The following B3GALT9 variants were observed in gnomAD, a reference collection of about 807,000 sequenced individuals.
B3GALT9 encodes beta-1,3-galactosyltransferase 9.
rs112771562 is a variant in B3GALT9 at position 120,800,556 on chromosome 9, T to C, written c.*878T>C. On this transcript the variant is annotated 3_prime_UTR_variant, in exon 3 of 3. Transcript: ENST00000689072. Reference sequence around the variant, plus strand: ...TTGGGATTATAGGTGTGAGGAACCGTACCTGGCCAGTACACAATTCATTAT... The same window carrying C: ...TTGGGATTATAGGTGTGAGGAACCGCACCTGGCCAGTACACAATTCATTAT... Among the ~76,000 whole-genome samples, 1,533 of 152,076 alleles carry C rather than the reference T, an allele frequency of 0.01. 33 individuals carry two copies. The highest frequency in any genetic ancestry group is 0.035 in the African/African-American group (1,452 of 41,510).
At position 120,799,840 on chromosome 9, in the gene B3GALT9, T is replaced by C; in HGVS notation, c.*162T>C. 2.5e-6 allele frequency: 1 copy of C among 394,856 alleles called. No homozygotes were observed. The highest frequency in any genetic ancestry group is 3.6e-5 in the East Asian group (1 of 27,798). 24.5% of individuals were successfully genotyped at this position (394,856 alleles called of 1,614,324 possible). ...TCTGTGCTCTGGTGTGCTCAATTACTGAGATCTCAAATTTTTAAAAAATTT... is the reference window on the plus strand; with the variant it reads ...TCTGTGCTCTGGTGTGCTCAATTACCGAGATCTCAAATTTTTAAAAAATTT... On this transcript the variant is annotated 3_prime_UTR_variant, in exon 3 of 3. Transcript: ENST00000689072.
Position 120,801,365 on chromosome 9 carries a change from A to T in B3GALT9, c.*1687A>T, listed in dbSNP as rs12115253. Reference sequence around the variant, plus strand: ...TCCCTGATGATTAGTGGTATTGAGCATTTTTTTTTCATATACCTGTTGGCC... The same window carrying T: ...TCCCTGATGATTAGTGGTATTGAGCTTTTTTTTTTCATATACCTGTTGGCC... On this transcript the variant is annotated 3_prime_UTR_variant, in exon 3 of 3. Coordinates refer to ENST00000689072, the MANE Select transcript of B3GALT9 (RefSeq NM_001386823.1). Among the ~76,000 whole-genome samples, 450 of 150,460 alleles carry T rather than the reference A, an allele frequency of 3.0e-3. 7 individuals carry two copies. Among genetic ancestry groups the T allele is most frequent in the African/African-American group, 0.01 (424 of 41,042 alleles).
rs551492356 is a variant in B3GALT9, at chr9:120,800,260, G to T, written c.*582G>T. Among the ~76,000 whole-genome samples, 36 of 152,162 alleles carry T rather than the reference G, an allele frequency of 2.4e-4. No individual in the cohort carries two copies. Among genetic ancestry groups the T allele is most frequent in the African/African-American group, 8.4e-4 (35 of 41,516 alleles). ...AGCCTCCCAAGTAGCTGGGATTACA[G>T]GTGCCTGCCACCACGCCTGGCTAAT... On this transcript the variant is annotated 3_prime_UTR_variant, in exon 3 of 3. Coordinates refer to ENST00000689072, the MANE Select transcript of B3GALT9 (RefSeq NM_001386823.1).
In B3GALT9 at chr9:120,799,449, A is replaced by G. The variant is rs966351616; in HGVS notation, c.881A>G (p.Lys294Arg). The change falls in exon 3 of 3, where the codon AAA becomes AGA. Residue 294 changes from lysine (K) to arginine (R), a missense_variant. Physicochemically the swap from Lys to Arg is conservative, Grantham distance 26. Coordinates refer to ENST00000689072, the MANE Select transcript of B3GALT9 (RefSeq NM_001386823.1). Reference sequence around the variant, plus strand: ...ATCCACAGCTCAAGGTTTTCTGGGAAAAGGCACATTAGATACAACAGATGT... The same window carrying G: ...ATCCACAGCTCAAGGTTTTCTGGGAGAAGGCACATTAGATACAACAGATGT... ...IPIHSSRFSG[K>R]RHIRYNRCCY... 5 of 399,314 alleles carry G rather than the reference A, an allele frequency of 1.3e-5. No individual in the cohort carries two copies. The highest frequency in any genetic ancestry group is 2.2e-5 in the Non-Finnish European group (5 of 226,116). 24.7% of individuals were successfully genotyped at this position (399,314 alleles called of 1,614,324 possible).
chr9:120,797,860 A>G (rs943331612), intron 2 of B3GALT9, among the ~76,000 whole-genome samples: 3 of 152,232 alleles, frequency 2.0e-5, no homozygotes, highest in Admixed American at 6.5e-5. Context: ...TTTCAGACAG[A>G]AAGTTTCCAT....
Position 120,793,749 on chromosome 9 carries a change from G to A in B3GALT9, c.-355G>A. 2.5e-6 allele frequency: 1 copy of A among 398,428 alleles called. No individual in the cohort carries two copies. Among genetic ancestry groups the A allele is most frequent in the South Asian group, 1.3e-4 (1 of 7,790 alleles). The allele number at this position is 398,428 out of a possible 1,614,324, so 24.7% of individuals were successfully genotyped here. A position where few individuals can be genotyped will look rare whatever the true frequency, so the allele number is the denominator to read the frequency against. ...GAGCTGTGGCTTAGAGAAGTTAAGA[G>A]ACGTGTCCAAATTCATACAACCTGT... On this transcript the variant is annotated 5_prime_UTR_variant, in exon 1 of 3. Coordinates refer to ENST00000689072, the MANE Select transcript of B3GALT9 (RefSeq NM_001386823.1).
intron 1 of B3GALT9, among the ~76,000 whole-genome samples, chr9:120,794,838 T>A (rs2131402470): frequency 6.6e-6 from 1 of 152,340 alleles, no homozygotes; most frequent in Non-Finnish European, 1.5e-5. Context: ...TTGTGGCTAC[T>A]GAACATTTGA....
At chr9:120,795,157 G>A (rs527591837) in intron 1 of B3GALT9, among the ~76,000 whole-genome samples, 90 of 152,318 alleles carry the variant, frequency 5.9e-4, no homozygotes, top group African/African-American at 1.6e-3. Context: ...AGACTTCTAA[G>A]TCAGAACGTG....
In B3GALT9 at chr9:120,798,624, A is replaced by G. The variant is rs2044953060; in HGVS notation, c.56A>G (p.Asn19Ser). 2.5e-6 allele frequency: 1 copy of G among 399,520 alleles called. No individual in the cohort carries two copies. The highest frequency in any genetic ancestry group is 2.1e-5 in the African/African-American group (1 of 48,604). 24.7% of individuals were successfully genotyped at this position (399,520 alleles called of 1,614,324 possible). A position where few individuals can be genotyped will look rare whatever the true frequency, so the allele number is the denominator to read the frequency against. ...CACCAGTGGTGTTTCATTCTATTTA[A>G]TGTCATCCTATTTCATGCCTTGCTT... Reference protein sequence around the residue: ...RTHQWCFILFNVILFHALLFG... With the variant: ...RTHQWCFILFSVILFHALLFG... The change falls in exon 3 of 3, where the codon AAT (asparagine) becomes AGT (serine). Residue 19 changes from asparagine (N) to serine (S), a missense_variant. Coordinates refer to ENST00000689072, the MANE Select transcript of B3GALT9 (RefSeq NM_001386823.1).
chr9:120,795,201 CAG>C (rs1164906813), intron 1 of B3GALT9, among the ~76,000 whole-genome samples: 4 of 152,104 alleles, frequency 2.6e-5, no homozygotes, highest in Non-Finnish European at 4.4e-5. Context: ...TTTAGGAAGA[CAG>C]ATATACAGAT....
Position 120,798,923 on chromosome 9 carries a change from C to T in B3GALT9, c.355C>T (p.Leu119Phe), listed in dbSNP as rs1311707824. ...GACCAGTGTCCAAGGGCATCCCATTCTCACACTGTTTGCTCTGGGAATGCC... is the reference window on the plus strand; with the variant it reads ...GACCAGTGTCCAAGGGCATCCCATTTTCACACTGTTTGCTCTGGGAATGCC... ...NVTSVQGHPI[L>F]TLFALGMPVS... is the part of the protein sequence containing the mutation. Residue 119 changes from leucine to phenylalanine, a missense_variant, in exon 3 of 3, where the codon CTC (leucine) becomes TTC (phenylalanine). Coordinates refer to ENST00000689072, the MANE Select transcript of B3GALT9 (RefSeq NM_001386823.1). 7 of 398,924 alleles carry T rather than the reference C, an allele frequency of 1.8e-5. No individual in the cohort carries two copies. Among genetic ancestry groups the T allele is most frequent in the Non-Finnish European group, 3.1e-5 (7 of 226,086 alleles). 24.7% of individuals were successfully genotyped at this position (398,924 alleles called of 1,614,324 possible).
At chr9:120,796,160 A>G (rs1388204837) in intron 1 of B3GALT9, among the ~76,000 whole-genome samples, 1 of 152,074 alleles carries the variant, frequency 6.6e-6, no homozygotes, top group East Asian at 1.9e-4. Flanking sequence ...AGCAGGCATT[A>G]CTCCAGCTGT....
In B3GALT9 at chr9:120,799,351, C is replaced by T. The variant is rs1029686257; in HGVS notation, c.783C>T (p.Phe261=). The T allele has an allele frequency of 2.5e-6, 1 of 399,134 alleles. No homozygotes were observed. The highest frequency in any genetic ancestry group is 4.4e-5 in the Admixed American group (1 of 22,720). 24.7% of individuals were successfully genotyped at this position (399,134 alleles called of 1,614,324 possible). Residue 261 remains phenylalanine (F), a synonymous_variant, in exon 3 of 3, where the codon TTC becomes TTT. Transcript: ENST00000689072. ...TGGCTCGAATGATGTATGTGGTTTT[C>T]AAAGAAGTACCCATGATGGTGCCAG... ...QDVARMMYVV[F]KEVPMMVPAD...
At position 120,800,879 on chromosome 9, in the gene B3GALT9, A is replaced by AC. The variant is rs542343582; in HGVS notation, c.*1206dup. Among the ~76,000 whole-genome samples, 13 of 151,882 alleles carry AC rather than the reference A, an allele frequency of 8.6e-5. No homozygotes were observed. ...TGGCCATATCTGCCAAGTTTTCCCA[A>AC]CCCCCAGTCTCTGGTAACCTCCATT... On this transcript the variant is annotated 3_prime_UTR_variant, in exon 3 of 3. Coordinates refer to ENST00000689072, the MANE Select transcript of B3GALT9 (RefSeq NM_001386823.1).
At chr9:120,797,137 GAGAA>G (rs747142127) in intron 2 of B3GALT9, among the ~76,000 whole-genome samples, 24 of 151,614 alleles carry the variant, frequency 1.6e-4, no homozygotes, top group Non-Finnish European at 2.8e-4. Flanking sequence ...GAGAAAGAAA[GAGAA>G]AGAAAGAAAA....
rs531720817 is a variant in B3GALT9 at position 120,800,863 on chromosome 9, C to A, written c.*1185C>A. Among the ~76,000 whole-genome samples, 1 of 152,312 alleles carries A rather than the reference C, an allele frequency of 6.6e-6. No individual in the cohort carries two copies. Among genetic ancestry groups the A allele is most frequent in the Admixed American group, 6.5e-5 (1 of 15,304 alleles). ...AAAATGTTGGATCTCTTGGCCATAT[C>A]TGCCAAGTTTTCCCAACCCCCAGTC... On this transcript the variant is annotated 3_prime_UTR_variant, in exon 3 of 3. Transcript: ENST00000689072.
intron 1 of B3GALT9, among the ~76,000 whole-genome samples, chr9:120,794,655 G>T (rs2044923311): frequency 2.6e-5 from 4 of 152,024 alleles, no homozygotes; most frequent in Admixed American, 2.0e-4. Context: ...GATTACAGGG[G>T]TGAACCACAA....
At chr9:120,796,781 G>GT (rs1289217797) in intron 2 of B3GALT9, among the ~76,000 whole-genome samples, 172 bp downstream of exon 2, 1 of 152,192 alleles carries the variant, frequency 6.6e-6, no homozygotes, top group Non-Finnish European at 1.5e-5. Context: ...TGGGGGCCAG[G>GT]TGCGGTGGCT....
In B3GALT9 at chr9:120,796,607, C is replaced by G. The variant is rs1258886229; in HGVS notation, c.4C>G (p.Gln2Glu). The G allele has an allele frequency of 6.6e-6, 1 of 152,032 alleles. No individual in the cohort carries two copies. The highest frequency in any genetic ancestry group is 1.5e-5 in the Non-Finnish European group (1 of 68,028). The allele number at this position is 152,032 out of a possible 1,614,324, so 9.4% of individuals were successfully genotyped here. The change falls in exon 2 of 3, where the codon CAA (glutamine) becomes GAA (glutamate). Residue 2 changes from glutamine to glutamate, a missense_variant and splice_region_variant. By Grantham distance (29) the Gln-to-Glu change is conservative. Coordinates refer to ENST00000689072, the MANE Select transcript of B3GALT9 (RefSeq NM_001386823.1). M[Q>E]VTFCRLRTHQ... is the part of the protein sequence containing the mutation. ...CCTGAAGTTGCTCACAGGCAACATG[C>G]AAGTAAGTTTCTTACAATCTTTAAA...
Sources: allele counts gnomAD v4.1 joint callset (sites outside exome capture counted in the v4.1 genomes callset), GRCh38; gene constraint gnomAD v4.1.1; transcripts MANE v1.5; gene names NCBI Gene and HGNC (gene_info 2026-07-23, HGNC 2026-07-21).